RTN4: variants seen among roughly 807,000 people sequenced by gnomAD.
RTN4 encodes reticulon-4.
A neutral mutation model predicts 90.4 loss-of-function variants in RTN4; 32 were observed. The observed-to-expected ratio is 0.35, with a 90% confidence interval of 0.27 to 0.48. The LOEUF is 0.48. RTN4 is among the 20% of genes least tolerant of loss of function. The pLI is 0.99. For missense variants in RTN4, 1,706 were observed against 1,430.2 expected (o/e 1.19, Z -3.11); for synonymous variants, 629 against 552.5 (o/e 1.14, Z -1.94).
At chr2:55,085,134 G>T (rs2920882) in intron 1 of RTN4, among the ~76,000 whole-genome samples, 92,413 of 151,988 alleles carry the variant, frequency 0.61, 29,446 homozygotes, top group African/African-American at 0.8. Flanking sequence ...GACATTTTAG[G>T]TTTTTCCTAT....
rs3769323 is a variant in RTN4, at chr2:54,980,934, T to C, written c.3360+1581A>G. Among the ~76,000 whole-genome samples the C allele has an allele frequency of 2.0e-4, 31 of 152,362 alleles. No individual in the cohort carries two copies. In the East Asian group the frequency reaches 5.8e-3, roughly 28 times the overall value. On this transcript the variant is annotated intron_variant, in intron 5 of 8. Coordinates refer to ENST00000337526, the MANE Select transcript of RTN4 (RefSeq NM_020532.5). Reference sequence around the variant, plus strand: ...CCTCTAGGCTGTATGTACAAGGTTCTATTTCATTTGCTCCAAAATATTTTT... The same window carrying C: ...CCTCTAGGCTGTATGTACAAGGTTCCATTTCATTTGCTCCAAAATATTTTT...
chr2:55,050,722 G>A (rs6545469), upstream of RTN4: 20,026 of 155,076 alleles, frequency 0.13, 2,024 homozygotes, highest in African/African-American at 0.28. This position sits in a 1 kb window ranked among gnomAD's most constrained non-coding sequence, Gnocchi z 4.6. Context: ...CTTACCGGCT[G>A]GGATTGCGTT....
At chr2:55,048,560 G>A (rs372965598) in intron 1 of RTN4, among the ~76,000 whole-genome samples, 1 of 151,720 alleles carries the variant, frequency 6.6e-6, no homozygotes, top group South Asian at 2.1e-4. Context: ...GGCCTACACA[G>A]GGTCAAGATC....
At chr2:55,110,310 C>CAAAAAA (rs11289091) in intron 1 of RTN4, among the ~76,000 whole-genome samples, 1 of 96,252 alleles carries the variant, frequency 1.0e-5, no homozygotes, top group African/African-American at 3.9e-5. Context: ...GACCCTGTCT[C>CAAAAAA]AAAAAAAAAA....
At chr2:55,042,412 T>G (rs144597026) in intron 1 of RTN4, among the ~76,000 whole-genome samples, 120 of 152,272 alleles carry the variant, frequency 7.9e-4, no homozygotes, top group Non-Finnish European at 1.4e-3. Flanking sequence ...AGGGACTGAT[T>G]AAATAAAATA....
chr2:55,014,075 T>G (rs1248212534), intron 3 of RTN4, among the ~76,000 whole-genome samples: 1 of 152,200 alleles, frequency 6.6e-6, no homozygotes, highest in African/African-American at 2.4e-5. Context: ...AATTAACATG[T>G]TTCAATACTG....
At chr2:55,086,824 A>AT (rs1668848860) in intron 1 of RTN4, among the ~76,000 whole-genome samples, 6 of 142,932 alleles carry the variant, frequency 4.2e-5, no homozygotes, top group Admixed American at 3.4e-4. Flanking sequence ...TTTCAACTTT[A>AT]ATTTATTTTT....
chr2:54,990,182 T>C (rs140761322), intron 3 of RTN4, among the ~76,000 whole-genome samples: 338 of 152,302 alleles, frequency 2.2e-3, no homozygotes, highest in African/African-American at 7.6e-3. Flanking sequence ...ATAAAGTTTC[T>C]AGATAGAAAG....
intron 2 of RTN4, among the ~76,000 whole-genome samples, chr2:55,064,564 T>G (rs1214130943): frequency 6.6e-6 from 1 of 152,186 alleles, no homozygotes; most frequent in African/African-American, 2.4e-5. Context: ...TTGGTGAGGT[T>G]GGTCTCAAAC....
At chr2:55,111,122 A>G (rs1225071783) in intron 1 of RTN4, among the ~76,000 whole-genome samples, 1 of 152,198 alleles carries the variant, frequency 6.6e-6, no homozygotes, top group Non-Finnish European at 1.5e-5. Flanking sequence ...AAACAAAATA[A>G]AAACAAATTG....
the RTN4 span, among the ~76,000 whole-genome samples, chr2:55,128,482 C>T: frequency 1.3e-5 from 2 of 152,128 alleles, no homozygotes; most frequent in Admixed American, 1.3e-4. Flanking sequence ...ACTCCACTTG[C>T]GCTTCTCTCC....
chr2:55,055,746 G>T (rs565452732), upstream of RTN4, among the ~76,000 whole-genome samples: 12 of 151,148 alleles, frequency 7.9e-5, no homozygotes, highest in African/African-American at 2.4e-4. Context: ...CTCCAGCCTG[G>T]GCAACAGAGC....
the RTN4 span, among the ~76,000 whole-genome samples, chr2:55,127,592 C>T: frequency 6.6e-6 from 1 of 152,208 alleles, no homozygotes; most frequent in Admixed American, 6.5e-5. Flanking sequence ...TTCATCACGT[C>T]ATCCATCCTC....
upstream of RTN4, among the ~76,000 whole-genome samples, chr2:55,117,318 T>TGAAA (rs1321398027): frequency 6.6e-6 from 1 of 152,246 alleles, no homozygotes; most frequent in Non-Finnish European, 1.5e-5. Context: ...TCGAGGCTCC[T>TGAAA]GAAAGCTCAT....
In RTN4 at chr2:55,026,698, A is replaced by C. The variant is rs1681907434; in HGVS notation, c.1401T>G (p.Phe467Leu). 6.2e-7 allele frequency: 1 copy of C among 1,613,732 alleles called. No homozygotes were observed. The highest frequency in any genetic ancestry group is 8.5e-7 in the Non-Finnish European group (1 of 1,179,888). ...CAATGCTCTCAGTTGCTGCTGGGTT[A>C]AAGGGAGCACATGTGATATATGCTC... ...RSGAYITCAPFNPAATESIAT... is the reference protein window; with the variant it reads ...RSGAYITCAPLNPAATESIAT... The change falls in exon 3 of 9, where the codon TTT becomes TTG. Residue 467 changes from phenylalanine to leucine, a missense_variant. Physicochemically the swap from Phe to Leu is conservative, Grantham distance 22. Transcript: ENST00000337526.
rs57716224 is a variant in RTN4 at position 55,071,594 on chromosome 2, G to A, written c.-63+8895C>T. Reference sequence around the variant, plus strand: ...AGTCATTTACTTCTGCTAATGCAGAGAATATTTGTGATCTGGTTCTATGAA... The same window carrying A: ...AGTCATTTACTTCTGCTAATGCAGAAAATATTTGTGATCTGGTTCTATGAA... On this transcript the variant is annotated intron_variant, in intron 2 of 3. Transcript: ENST00000427710. Among the ~76,000 whole-genome samples, 476 of 145,520 alleles carry A rather than the reference G, an allele frequency of 3.3e-3. 4 individuals are homozygous for A. The highest frequency in any genetic ancestry group is 0.012 in the African/African-American group (462 of 39,612).
At chr2:55,024,227 T>C (rs961647056) in intron 3 of RTN4, among the ~76,000 whole-genome samples, 4 of 152,154 alleles carry the variant, frequency 2.6e-5, no homozygotes, top group African/African-American at 9.7e-5. Flanking sequence ...TCATCCTTTA[T>C]GTCCCTATCC....
At chr2:55,114,977 G>T (rs1353015515), upstream of RTN4, among the ~76,000 whole-genome samples, 1 of 151,976 alleles carries the variant, frequency 6.6e-6, no homozygotes. Flanking sequence ...ATGCATGTGG[G>T]CTGACAGGTT....
rs573950021 is a variant in RTN4, at chr2:55,050,005, G to C, written c.296C>G (p.Pro99Arg). 1.7e-5 allele frequency: 23 copies of C among 1,380,084 alleles called. No homozygotes were observed. The highest frequency in any genetic ancestry group is 3.0e-5 in the East Asian group (1 of 33,074). The allele number at this position is 1,380,084 out of a possible 1,614,324, so 85.5% of individuals were successfully genotyped here. A position where few individuals can be genotyped will look rare whatever the true frequency, so the allele number is the denominator to read the frequency against. ...AGACGGCTGCCGCTCCGGGGCGACG[G>C]GGGGAGCGGCCGGCAGGGGTCCCCG... ...APRGPLPAAP[P>R]VAPERQPSWD... is the part of the protein sequence containing the mutation. Residue 99 changes from proline (P) to arginine (R), a missense_variant, in exon 1 of 9, where the codon CCC (proline) becomes CGC (arginine). Physicochemically the swap from Pro to Arg is moderately radical, Grantham distance 103. Coordinates refer to ENST00000337526, the MANE Select transcript of RTN4 (RefSeq NM_020532.5). The surrounding 1 kb of genome is among the most constrained non-coding windows in gnomAD (Gnocchi z 4.6).
Sources: allele counts gnomAD v4.1 joint callset (sites outside exome capture counted in the v4.1 genomes callset), GRCh38; gene constraint gnomAD v4.1.1; non-coding constraint Gnocchi (gnomAD v3.1); transcripts MANE v1.5; gene names NCBI Gene and HGNC (gene_info 2026-07-23, HGNC 2026-07-21).